Variants in JAK2 observed in about 807,000 individuals in gnomAD.
JAK2 encodes tyrosine-protein kinase JAK2.
In JAK2, 86 loss-of-function variants were observed where a neutral mutation model predicts 139.3. The observed-to-expected ratio is 0.62, with a 90% CI of 0.52 to 0.74. The LOEUF (loss-of-function observed/expected upper bound fraction) is 0.74, where lower values mean the gene tolerates loss of function less well. Among genes scored for constraint, JAK2 ranks in the 30% least tolerant of loss-of-function variants. The pLI is 0.00. For missense variants in JAK2, 1,421 were observed against 1,360.3 expected, an observed-to-expected ratio of 1.04 and a Z score of -0.70; for synonymous variants, 490 against 437.7, an observed-to-expected ratio of 1.12 and a Z score of -1.49.
At chr9:4,999,411 G>C (rs1820798074) in intron 2 of JAK2, among the ~76,000 whole-genome samples, 1 of 152,258 alleles carries the variant, frequency 6.6e-6, no homozygotes, top group South Asian at 2.1e-4. Flanking sequence ...AAAAATTCAA[G>C]TGAATAAAAA....
intron 13 of JAK2, 126 bp downstream of exon 13, chr9:5,072,752 C>G: frequency 3.5e-6 from 2 of 568,424 alleles, no homozygotes; most frequent in Non-Finnish European, 5.5e-6. Context: ...AAGGACTTTT[C>G]TGAGGATACA....
intron 4 of JAK2, among the ~76,000 whole-genome samples, chr9:5,040,787 G>T (rs1175831918): frequency 6.6e-6 from 1 of 152,222 alleles, no homozygotes; most frequent in African/African-American, 2.4e-5. Context: ...AACATGCGGT[G>T]GCTGGCCCAG....
intron 2 of JAK2, among the ~76,000 whole-genome samples, chr9:5,002,605 G>C (rs1274348249): frequency 1.3e-5 from 2 of 151,940 alleles, no homozygotes; most frequent in Non-Finnish European, 2.9e-5. Flanking sequence ...ATGTTCTGCA[G>C]TTGTTGGGCA....
rs1028912 is a variant in JAK2 at position 5,050,369 on chromosome 9, G to C, written c.469-317G>C. Among the ~76,000 whole-genome samples, 94,086 of 152,012 alleles carry C rather than the reference G, an allele frequency of 0.62. 31,289 individuals are homozygous for C. Among genetic ancestry groups the C allele is most frequent in the African/African-American group, 0.88 (36,520 of 41,482 alleles). On this transcript the variant is annotated intron_variant, in intron 5 of 24. Transcript: ENST00000381652. ...AGGGTGCAGTGGTGTGATCATAGCT[G>C]AAGAGATCCTCCTACCTCAGCCCCC... is the stretch of plus-strand genomic sequence containing the variant.
At chr9:5,040,963 A>G in intron 4 of JAK2, 2 of 550,388 alleles carry the variant, frequency 3.6e-6, no homozygotes, top group Admixed American at 4.9e-5. Flanking sequence ...TCTCTATACA[A>G]ACAAATATGT....
intron 22 of JAK2, chr9:5,095,159 G>A (rs779318475): frequency 5.3e-5 from 8 of 152,106 alleles, no homozygotes; most frequent in Non-Finnish European, 1.0e-4. Flanking sequence ...ATATCCTAAA[G>A]TAAGTTCAGC....
chr9:4,984,653 C>T (rs973639376), upstream of JAK2: 2 of 152,452 alleles, frequency 1.3e-5, no homozygotes, highest in Non-Finnish European at 2.9e-5. Context: ...GTCTGCTGTA[C>T]CCGGGAGGTG....
intron 22 of JAK2, among the ~76,000 whole-genome samples, chr9:5,104,824 TA>T (rs1821821889): frequency 2.0e-5 from 3 of 152,206 alleles, no homozygotes; most frequent in Admixed American, 2.0e-4. Flanking sequence ...ATTATTTCAA[TA>T]GATGCACAAA....
chr9:4,990,409 G>A (rs996622212), intron 2 of JAK2, among the ~76,000 whole-genome samples: 2 of 152,228 alleles, frequency 1.3e-5, no homozygotes, highest in Non-Finnish European at 2.9e-5. Context: ...GATGTAGACA[G>A]TTGAGCGTAT....
At chr9:5,005,498 C>T (rs935054291) in intron 2 of JAK2, among the ~76,000 whole-genome samples, 2 of 152,104 alleles carry the variant, frequency 1.3e-5, no homozygotes, top group South Asian at 2.1e-4. Flanking sequence ...TAACTTTGCA[C>T]TCCTGGGGGT....
intron 14 of JAK2, among the ~76,000 whole-genome samples, chr9:5,074,100 G>A (rs917555557): frequency 6.6e-6 from 1 of 152,072 alleles, no homozygotes; most frequent in Non-Finnish European, 1.5e-5. Context: ...GGAATAACTG[G>A]CCTTTTCAGT....
At chr9:4,986,808 A>G (rs746784173) in intron 2 of JAK2, among the ~76,000 whole-genome samples, 68 of 152,288 alleles carry the variant, frequency 4.5e-4, no homozygotes, top group South Asian at 2.5e-3. Context: ...CCACTAAGTC[A>G]TTTGCAATAT....
chr9:5,010,667 ATAAT>A (rs1391921413), intron 2 of JAK2, among the ~76,000 whole-genome samples: 5 of 152,206 alleles, frequency 3.3e-5, no homozygotes, highest in Non-Finnish European at 5.9e-5. Flanking sequence ...GAATAATATT[ATAAT>A]TAATCACATA....
intron 18 of JAK2, among the ~76,000 whole-genome samples, chr9:5,081,124 T>A (rs1819671078): frequency 6.6e-6 from 1 of 152,048 alleles, no homozygotes; most frequent in African/African-American, 2.4e-5. Context: ...CTCGATCTCC[T>A]GATCTTGTGA....
chr9:4,996,578 G>A (rs1421900872), intron 2 of JAK2, among the ~76,000 whole-genome samples: 1 of 151,008 alleles, frequency 6.6e-6, no homozygotes. Flanking sequence ...GTTTTTTTGA[G>A]GAGGGGCGGG....
At chr9:5,092,222 G>A (rs577198860) in intron 22 of JAK2, among the ~76,000 whole-genome samples, 16 of 152,138 alleles carry the variant, frequency 1.1e-4, no homozygotes, top group Non-Finnish European at 2.1e-4. Flanking sequence ...AGGGCTCAAG[G>A]AGGATTTAGC....
At chr9:5,066,587 T>C in intron 9 of JAK2, 91 bp from the exon 10 acceptor site, 1 of 743,116 alleles carries the variant, frequency 1.3e-6, no homozygotes, top group Non-Finnish European at 2.4e-6. Context: ...CTGACAGTTT[T>C]AGATTTGACT....
chr9:5,054,947 G>A lies in JAK2; in HGVS notation c.936+63G>A. 1 of 1,266,032 alleles carries A rather than the reference G, an allele frequency of 7.9e-7. No homozygotes were observed. Among genetic ancestry groups the A allele is most frequent in the Non-Finnish European group, 1.1e-6 (1 of 918,234 alleles). The allele number at this position is 1,266,032 out of a possible 1,614,324, so 78.4% of individuals were successfully genotyped here. A position where few individuals can be genotyped will look rare whatever the true frequency, so the allele number is the denominator to read the frequency against. ...TAAGTACAATGGAAATAAAAACAAA[G>A]TAATTTTAATCATTTGCAACATGGT... On this transcript the variant is annotated intron_variant, in intron 7 of 24. Coordinates refer to ENST00000381652, the MANE Select transcript of JAK2 (RefSeq NM_004972.4). This position sits in a 1 kb window ranked among gnomAD's most constrained non-coding sequence, Gnocchi z 4.9.
At chr9:5,092,300 C>A (rs946066157) in intron 22 of JAK2, among the ~76,000 whole-genome samples, 1 of 152,114 alleles carries the variant, frequency 6.6e-6, no homozygotes, top group African/African-American at 2.4e-5. Flanking sequence ...CACTGCCTGT[C>A]ACCCTCCGCA....
Sources: allele counts gnomAD v4.1 joint callset (sites outside exome capture counted in the v4.1 genomes callset), GRCh38; gene constraint gnomAD v4.1.1; non-coding constraint Gnocchi (gnomAD v3.1); transcripts MANE v1.5; gene names NCBI Gene and HGNC (gene_info 2026-07-23, HGNC 2026-07-21).